The following ANTXR1 variants were observed in gnomAD, a reference collection of about 807,000 sequenced individuals.
The protein encoded by ANTXR1 is ANTXR cell adhesion molecule 1.
A neutral mutation model predicts 78.1 loss-of-function variants in ANTXR1; 19 were observed. The ratio of observed to expected loss-of-function variants is 0.24; its 90% confidence interval spans 0.17 to 0.36. ANTXR1 has a LOEUF of 0.36. ANTXR1 is among the 10% of genes least tolerant of loss of function. The pLI is 1.00. For missense variants in ANTXR1, 518 were observed against 718.6 expected, an observed-to-expected ratio of 0.72 and a Z score of 3.19; for synonymous variants, 273 against 260.5, an observed-to-expected ratio of 1.05 and a Z score of -0.46.
At chr2:69,057,374 C>T (rs909419709) in intron 3 of ANTXR1, among the ~76,000 whole-genome samples, 1 of 152,186 alleles carries the variant, frequency 6.6e-6, no homozygotes, top group Non-Finnish European at 1.5e-5. Context: ...TCTGTTGGCA[C>T]GATTTCTCCA....
At chr2:69,168,902 T>A (rs1171820192) in intron 13 of ANTXR1, among the ~76,000 whole-genome samples, 2 of 152,254 alleles carry the variant, frequency 1.3e-5, no homozygotes, top group Non-Finnish European at 2.9e-5. Context: ...CACTTCTGCC[T>A]CTTCAATTAA....
intron 8 of ANTXR1, among the ~76,000 whole-genome samples, chr2:69,088,551 G>A (rs959916285): frequency 1.3e-5 from 2 of 152,078 alleles, no homozygotes; most frequent in African/African-American, 2.4e-5. Flanking sequence ...AGTCAAAGGG[G>A]GTGGCTTCCT....
chr2:69,179,274 C>T (rs576630283), intron 14 of ANTXR1, among the ~76,000 whole-genome samples: 7 of 152,174 alleles, frequency 4.6e-5, no homozygotes, highest in Non-Finnish European at 8.8e-5. Context: ...AGTCCATGTG[C>T]GGTGGCTCAC....
At chr2:69,151,186 C>CTTTTTTT (rs59147668) in intron 12 of ANTXR1, among the ~76,000 whole-genome samples, 86 of 82,562 alleles carry the variant, frequency 1.0e-3, no homozygotes, top group Middle Eastern at 0.034. Context: ...TGATTATTTT[C>CTTTTTTT]TTTTTTTTTT....
intron 3 of ANTXR1, among the ~76,000 whole-genome samples, chr2:69,066,531 G>A (rs944379362): frequency 6.6e-6 from 1 of 152,036 alleles, no homozygotes; most frequent in African/African-American, 2.4e-5. Flanking sequence ...TTATCAAACT[G>A]TCATAACACA....
At chr2:69,162,796 GA>G (rs1405187638) in intron 13 of ANTXR1, among the ~76,000 whole-genome samples, 1 of 152,136 alleles carries the variant, frequency 6.6e-6, no homozygotes, top group Non-Finnish European at 1.5e-5. Context: ...CCTGTAACAT[GA>G]AATGTGTTCC....
chr2:69,168,181 CA>C (rs769840317), intron 13 of ANTXR1, among the ~76,000 whole-genome samples: 1 of 152,106 alleles, frequency 6.6e-6, no homozygotes, highest in Non-Finnish European at 1.5e-5. Flanking sequence ...TTAGTATATG[CA>C]GGGGGGGTAT....
At chr2:69,095,457 A>C (rs1207430605) in intron 9 of ANTXR1, among the ~76,000 whole-genome samples, 1 of 152,246 alleles carries the variant, frequency 6.6e-6, no homozygotes, top group African/African-American at 2.4e-5. Flanking sequence ...TAGTGAGAGC[A>C]CTACTGAGAT....
chr2:69,218,027 C>T (rs1460660662), intron 17 of ANTXR1, among the ~76,000 whole-genome samples: 4 of 152,110 alleles, frequency 2.6e-5, no homozygotes, highest in African/African-American at 9.7e-5. Context: ...TGTCTTCTAA[C>T]CCCCAGAGAT....
At chr2:69,230,123 T>G (rs1249768709) in intron 17 of ANTXR1, among the ~76,000 whole-genome samples, 1 of 152,184 alleles carries the variant, frequency 6.6e-6, no homozygotes, top group Non-Finnish European at 1.5e-5. Flanking sequence ...GTGACAGCAC[T>G]TTGGCCACCT....
intron 16 of ANTXR1, among the ~76,000 whole-genome samples, chr2:69,187,480 G>A (rs1201800774): frequency 6.6e-6 from 1 of 151,656 alleles, no homozygotes; most frequent in Non-Finnish European, 1.5e-5. Context: ...ACACTCATGA[G>A]TGCATGTGTG....
At chr2:69,128,514 C>T (rs555565345) in intron 12 of ANTXR1, among the ~76,000 whole-genome samples, 6 of 152,134 alleles carry the variant, frequency 3.9e-5, no homozygotes, top group African/African-American at 7.2e-5. Context: ...AACATGTATC[C>T]GGGGGTACAT....
chr2:69,244,922 G>A lies in ANTXR1; in HGVS notation c.1435-303G>A, dbSNP rs372400006. Among the ~76,000 whole-genome samples, 18 of 152,268 alleles carry A rather than the reference G, an allele frequency of 1.2e-4. No individual in the cohort carries two copies. The South Asian group carries it at 2.9e-3, about 25-fold the overall frequency. Reference sequence around the variant, plus strand: ...CTAATAATACCCGGTTAGCAGGGCTGTTGAGGAGATTCAGTTTAATGACCT... The same window carrying A: ...CTAATAATACCCGGTTAGCAGGGCTATTGAGGAGATTCAGTTTAATGACCT... On this transcript the variant is annotated intron_variant, in intron 17 of 17. Transcript: ENST00000303714.
chr2:69,060,104 C>A (rs1175684474), intron 3 of ANTXR1, among the ~76,000 whole-genome samples: 1 of 152,186 alleles, frequency 6.6e-6, no homozygotes, highest in Non-Finnish European at 1.5e-5. Context: ...CCTTCTGGCT[C>A]TGCACTGGAT....
intron 1 of ANTXR1, among the ~76,000 whole-genome samples, chr2:69,014,787 A>T (rs1670972758): frequency 6.6e-6 from 1 of 152,210 alleles, no homozygotes; most frequent in Non-Finnish European, 1.5e-5. Flanking sequence ...GGCTAGCTAG[A>T]CACCAAATGT....
intron 17 of ANTXR1, among the ~76,000 whole-genome samples, chr2:69,236,565 A>G (rs546453199): frequency 9.1e-4 from 138 of 152,344 alleles, no homozygotes; most frequent in Non-Finnish European, 1.5e-3. Flanking sequence ...CTTTTTCTAG[A>G]AGACAGTTTG....
At chr2:69,141,689 G>A (rs77079369) in intron 12 of ANTXR1, among the ~76,000 whole-genome samples, 6,421 of 152,284 alleles carry the variant, frequency 0.042, 180 homozygotes, top group East Asian at 0.075. Context: ...TTGAAAAAAT[G>A]CTGAAGAATG....
intron 14 of ANTXR1, among the ~76,000 whole-genome samples, chr2:69,179,215 T>A (rs1446617157): frequency 2.0e-5 from 3 of 152,188 alleles, no homozygotes; most frequent in Non-Finnish European, 1.5e-5. Context: ...TTTTATTGTG[T>A]TGGGGACTTT....
chr2:69,062,495 A>G (rs1670274440), intron 3 of ANTXR1, among the ~76,000 whole-genome samples: 1 of 152,240 alleles, frequency 6.6e-6, no homozygotes, highest in East Asian at 1.9e-4. Context: ...AACAGGGAAC[A>G]TGAATCTAAC....
Sources: gnomAD v4.1 joint callset for allele counts (sites outside exome capture counted in the v4.1 genomes callset) on GRCh38, gnomAD v4.1.1 for gene constraint, MANE v1.5 for transcripts, NCBI Gene and HGNC (gene_info 2026-07-23, HGNC 2026-07-21) for gene names.